IL1RAPL1: variants seen among roughly 807,000 people sequenced by gnomAD.
IL1RAPL1 encodes interleukin-1 receptor accessory protein-like 1.
A neutral mutation model predicts 48.4 loss-of-function variants in IL1RAPL1; 3 were observed. The observed-to-expected ratio is 0.06, with a 90% CI of 0.03 to 0.16. The LOEUF (loss-of-function observed/expected upper bound fraction) is 0.16. Among genes scored for constraint, IL1RAPL1 ranks in the 10% least tolerant of loss-of-function variants. The pLI, the probability that IL1RAPL1 is intolerant of heterozygous loss-of-function variation, is 1.00. For synonymous variants in IL1RAPL1, 185 were observed against 187.7 expected (o/e 0.99, Z 0.12); for missense variants, 349 against 530.6 (o/e 0.66, Z 3.36).
chrX:29,398,359 A>G (rs1161510256), intron 4 of IL1RAPL1, among the ~76,000 whole-genome samples: 1 of 112,284 alleles, frequency 8.9e-6, no homozygotes, highest in African/African-American at 3.2e-5. Context: ...GAAGAATGTC[A>G]AATGTTTTAA....
At chrX:29,161,032 G>T (rs1472161521) in intron 2 of IL1RAPL1, among the ~76,000 whole-genome samples, 1 of 109,575 alleles carries the variant, frequency 9.1e-6, no homozygotes, top group East Asian at 2.9e-4. Flanking sequence ...CTGCCCTCCA[G>T]CCTGGGTGCA....
intron 6 of IL1RAPL1, among the ~76,000 whole-genome samples, chrX:29,679,272 A>AT (rs767169464): frequency 9.0e-6 from 1 of 111,691 alleles, no homozygotes; most frequent in East Asian, 2.8e-4. Context: ...AAAACAAAAT[A>AT]TTTTTTATTT....
intron 2 of IL1RAPL1, among the ~76,000 whole-genome samples, chrX:29,051,284 A>T (rs1927088262): frequency 9.0e-6 from 1 of 111,533 alleles, no homozygotes; most frequent in African/African-American, 3.3e-5. Context: ...TGAAAAAATT[A>T]CTCCAAAATG....
chrX:29,800,830 CAA>C (rs368811843), intron 6 of IL1RAPL1, among the ~76,000 whole-genome samples: 86 of 36,355 alleles, frequency 2.4e-3, no homozygotes, highest in Non-Finnish European at 3.1e-3. Flanking sequence ...ACTAAAAATA[CAA>C]AAAAAAAAAA....
intron 8 of IL1RAPL1, among the ~76,000 whole-genome samples, chrX:29,940,227 C>A (rs1933104421): frequency 9.0e-6 from 1 of 110,820 alleles, no homozygotes; most frequent in African/African-American, 3.3e-5. Flanking sequence ...CACACATACA[C>A]AATGTTCTTG....
intron 3 of IL1RAPL1, among the ~76,000 whole-genome samples, chrX:29,328,188 T>A (rs1305949564): frequency 8.9e-6 from 1 of 112,019 alleles, no homozygotes; most frequent in Admixed American, 9.5e-5. Flanking sequence ...TGGAGAAATT[T>A]GCTATGGTAT....
chrX:29,237,846 A>G (rs1465914345), intron 2 of IL1RAPL1, among the ~76,000 whole-genome samples: 1 of 112,281 alleles, frequency 8.9e-6, no homozygotes, highest in Non-Finnish European at 1.9e-5. Context: ...GGAGAGGTGT[A>G]AGGAGAGGTA....
At chrX:29,678,341 A>AGT in intron 6 of IL1RAPL1, among the ~76,000 whole-genome samples, 1 of 64,320 alleles carries the variant, frequency 1.6e-5, no homozygotes, top group African/African-American at 6.7e-5. Flanking sequence ...GTTCAACACT[A>AGT]CTTTTTTTTT....
chrX:29,103,869 G>A (rs779909812), intron 2 of IL1RAPL1, among the ~76,000 whole-genome samples: 1 of 111,757 alleles, frequency 8.9e-6, no homozygotes, highest in East Asian at 2.8e-4. Context: ...TCTATGAAAA[G>A]GTACTCAACA....
intron 5 of IL1RAPL1, among the ~76,000 whole-genome samples, chrX:29,616,480 TC>T (rs1246873988): frequency 4.3e-5 from 3 of 69,406 alleles, no homozygotes; most frequent in Non-Finnish European, 8.4e-5. Flanking sequence ...CCCTCCCCCC[TC>T]CCCCTACCCC....
intron 6 of IL1RAPL1, among the ~76,000 whole-genome samples, chrX:29,680,245 G>A (rs938167210): frequency 9.0e-6 from 1 of 111,342 alleles, no homozygotes; most frequent in African/African-American, 3.3e-5. Flanking sequence ...TACTCTTTCT[G>A]CATGTCATCA....
At chrX:29,635,240 A>G (rs1421053037) in intron 5 of IL1RAPL1, among the ~76,000 whole-genome samples, 2 of 111,798 alleles carry the variant, frequency 1.8e-5, no homozygotes, top group East Asian at 2.8e-4. Context: ...GGTGACCAGC[A>G]AAAGGAAATT....
chrX:29,597,115 C>T (rs1172147599), intron 5 of IL1RAPL1, among the ~76,000 whole-genome samples: 2 of 104,818 alleles, frequency 1.9e-5, no homozygotes, highest in African/African-American at 7.0e-5. Flanking sequence ...TTTTGATATG[C>T]TGTTAGAATT....
intron 2 of IL1RAPL1, among the ~76,000 whole-genome samples, chrX:29,252,276 G>GAAAAAA (rs1208250005): frequency 8.4e-5 from 4 of 47,533 alleles, no homozygotes; most frequent in Non-Finnish European, 5.9e-5. Flanking sequence ...AATAGTAAAA[G>GAAAAAA]AAAAAAGAAA....
chrX:28,890,656 T>C (rs919550153), intron 2 of IL1RAPL1, among the ~76,000 whole-genome samples: 12 of 112,092 alleles, frequency 1.1e-4, no homozygotes, highest in Admixed American at 2.9e-4. Context: ...TGGATCATGG[T>C]TGAATAATTA....
At chrX:28,792,563 A>G (rs1027525376) in intron 2 of IL1RAPL1, among the ~76,000 whole-genome samples, 7 of 105,641 alleles carry the variant, frequency 6.6e-5, no homozygotes, top group South Asian at 4.3e-4. Flanking sequence ...CGAGGCGGGC[A>G]GATCACGAGG....
At chrX:29,646,848 G>A (rs758795549) in intron 5 of IL1RAPL1, among the ~76,000 whole-genome samples, 85 of 111,267 alleles carry the variant, frequency 7.6e-4, no homozygotes, top group African/African-American at 2.7e-3. Context: ...CAAAAATACC[G>A]TACCAAGAAA....
At chrX:29,150,305 C>T (rs1019241537) in intron 2 of IL1RAPL1, among the ~76,000 whole-genome samples, 4 of 111,751 alleles carry the variant, frequency 3.6e-5, no homozygotes, top group Non-Finnish European at 7.5e-5. Flanking sequence ...CTTTCTTATC[C>T]GTTGTTCCTC....
chrX:29,651,124 A>G (rs1925505924), intron 5 of IL1RAPL1, among the ~76,000 whole-genome samples: 1 of 110,233 alleles, frequency 9.1e-6, no homozygotes, highest in Non-Finnish European at 1.9e-5. Flanking sequence ...AAAAAAAGAT[A>G]AGTTTTGGTT....
Sources: gnomAD v4.1 joint callset for allele counts (sites outside exome capture counted in the v4.1 genomes callset) on GRCh38, gnomAD v4.1.1 for gene constraint, MANE v1.5 for transcripts, NCBI Gene and HGNC (gene_info 2026-07-23, HGNC 2026-07-21) for gene names.